The following NINL variants were observed in gnomAD, a reference collection of about 807,000 sequenced individuals.
The protein encoded by NINL is ninein-like protein.
A neutral mutation model predicts 160.3 loss-of-function variants in NINL; 153 were observed. That is an observed-to-expected ratio of 0.95 (90% CI 0.84 to 1.09). The LOEUF (loss-of-function observed/expected upper bound fraction) is 1.09. NINL is among the 50% of genes least tolerant of loss of function. NINL has a pLI of 0.00. For missense variants in NINL, 1,829 were observed against 1,764.0 expected (o/e 1.04, Z -0.66); for synonymous variants, 800 against 734.8 (o/e 1.09, Z -1.43).
At chr20:25,557,844 C>T (rs1194197922) in intron 1 of NINL, among the ~76,000 whole-genome samples, 1 of 151,902 alleles carries the variant, frequency 6.6e-6, no homozygotes, top group Non-Finnish European at 1.5e-5. Flanking sequence ...GATAAATATA[C>T]TGGGCTGGGC....
chr20:25,580,681 T>C (rs535264632), intron 1 of NINL, among the ~76,000 whole-genome samples: 1 of 152,316 alleles, frequency 6.6e-6, no homozygotes, highest in African/African-American at 2.4e-5. Context: ...TCTAAAAGAC[T>C]CCTCTGTCCC....
intron 1 of NINL, among the ~76,000 whole-genome samples, chr20:25,566,284 A>G (rs1332205315): frequency 6.6e-6 from 1 of 152,238 alleles, no homozygotes; most frequent in Admixed American, 6.5e-5. Flanking sequence ...TACAATAAAC[A>G]TTAAACCCAG....
intron 21 of NINL, 25 bp downstream of exon 21, chr20:25,461,497 G>A: frequency 7.1e-7 from 1 of 1,402,132 alleles, no homozygotes; most frequent in Non-Finnish European, 9.7e-7. Flanking sequence ...TGGACCCAGT[G>A]CCTCCAGCCA....
At chr20:25,561,402 G>C (rs1482859752) in intron 1 of NINL, among the ~76,000 whole-genome samples, 2 of 152,142 alleles carry the variant, frequency 1.3e-5, no homozygotes, top group Non-Finnish European at 2.9e-5. Context: ...CCTCCCAGCC[G>C]TCTGCCTTGG....
chr20:25,576,250 T>C (rs554439159), intron 1 of NINL, among the ~76,000 whole-genome samples: 47 of 152,270 alleles, frequency 3.1e-4, no homozygotes, highest in African/African-American at 7.2e-4. Flanking sequence ...GGGCGTTATG[T>C]AGAATGTCCC....
chr20:25,492,512 C>T (rs928971316), intron 10 of NINL, among the ~76,000 whole-genome samples: 27 of 151,832 alleles, frequency 1.8e-4, no homozygotes, highest in East Asian at 9.7e-4. Flanking sequence ...AGTGCAGTGG[C>T]GGGATCTCAG....
intron 1 of NINL, among the ~76,000 whole-genome samples, chr20:25,543,623 G>A (rs1252690025): frequency 2.6e-5 from 4 of 152,204 alleles, no homozygotes; most frequent in African/African-American, 7.2e-5. Flanking sequence ...CGTGGTAGAT[G>A]GGAAATTGGC....
chr20:25,504,262 A>C (rs969093850), intron 6 of NINL, among the ~76,000 whole-genome samples, 158 bp from the exon 7 acceptor site: 1 of 151,276 alleles, frequency 6.6e-6, no homozygotes, highest in Non-Finnish European at 1.5e-5. Flanking sequence ...CATGCGGGCT[A>C]TATTTTCCCA....
chr20:25,547,677 C>T (rs2147081050), intron 1 of NINL, among the ~76,000 whole-genome samples: 1 of 152,270 alleles, frequency 6.6e-6, no homozygotes, highest in South Asian at 2.1e-4. Flanking sequence ...ACCATGTTTT[C>T]CATTTTACTT....
rs117428074 is a variant in NINL, at chr20:25,517,906, A to G, written c.181-57T>C. 166 of 1,105,622 alleles carry G rather than the reference A, an allele frequency of 1.5e-4. 2 individuals are homozygous for G. In the East Asian group the frequency reaches 3.0e-3, roughly 20 times the overall value. 68.5% of individuals were successfully genotyped at this position (1,105,622 alleles called of 1,614,324 possible). A position where few individuals can be genotyped will look rare whatever the true frequency, so the allele number is the denominator to read the frequency against. ...TCACTTTCAACAGATCACACAATTC[A>G]AAAGTGACTCTTTTGGATTTTCTCT... On this transcript the variant is annotated intron_variant, in intron 2 of 23. Transcript: ENST00000278886.
At chr20:25,483,292 C>A (rs2063435822) in intron 13 of NINL, among the ~76,000 whole-genome samples, 1 of 151,892 alleles carries the variant, frequency 6.6e-6, no homozygotes, top group African/African-American at 2.4e-5. Flanking sequence ...CGAGATTGTG[C>A]CACTCCACTC....
intron 6 of NINL, 105 bp from the exon 7 acceptor site, chr20:25,504,209 A>G: frequency 8.0e-7 from 1 of 1,246,736 alleles, no homozygotes; most frequent in Non-Finnish European, 1.1e-6. Context: ...GTACCCAACA[A>G]GGGCCGTTTC....
chr20:25,499,212 C>A, intron 8 of NINL: 1 of 985,334 alleles, frequency 1.0e-6, no homozygotes, highest in Non-Finnish European at 1.2e-6. Context: ...GCTGGGGAGC[C>A]GCCTGGAAAG....
At chr20:25,559,309 C>T (rs982235638) in intron 1 of NINL, among the ~76,000 whole-genome samples, 4 of 151,586 alleles carry the variant, frequency 2.6e-5, no homozygotes, top group Non-Finnish European at 4.4e-5. Context: ...GGCGCGATCT[C>T]GGCTCACTGC....
In NINL at chr20:25,480,230, T is replaced by C. The variant is rs1244302666; in HGVS notation, c.1848A>G (p.Ile616Met). 1.2e-6 allele frequency: 2 copies of C among 1,613,984 alleles called. No individual in the cohort carries two copies. The highest frequency in any genetic ancestry group is 1.3e-5 in the African/African-American group (1 of 74,930). Residue 616 changes from isoleucine (I) to methionine (M), a missense_variant, in exon 15 of 24, where the codon ATA becomes ATG. Ile to Met is a conservative substitution (Grantham distance 10). Transcript: ENST00000278886. ...SFLGNSAPVSIETELMMEQVK... is the reference protein window; with the variant it reads ...SFLGNSAPVSMETELMMEQVK... ...CCTGCTCCATCATCAGCTCCGTTTC[T>C]ATACTCACTGGAGCAGAATTACCCA...
At chr20:25,462,165 T>C (rs964994929) in intron 20 of NINL, among the ~76,000 whole-genome samples, 11 of 152,218 alleles carry the variant, frequency 7.2e-5, no homozygotes, top group African/African-American at 2.7e-4. Flanking sequence ...TTGTACCAAT[T>C]CACTCCTCTG....
intron 1 of NINL, among the ~76,000 whole-genome samples, chr20:25,541,368 T>C (rs2064659186): frequency 6.6e-6 from 1 of 152,264 alleles, no homozygotes; most frequent in South Asian, 2.1e-4. Context: ...AATGTTACCA[T>C]GCCCCATTAT....
chr20:25,474,759 C>G (rs949067250), intron 17 of NINL, among the ~76,000 whole-genome samples: 17 of 151,408 alleles, frequency 1.1e-4, no homozygotes, highest in African/African-American at 3.9e-4. Flanking sequence ...GGACTACAAG[C>G]GCATGCCACC....
chr20:25,461,704 A>T, intron 20 of NINL, 69 bp from the exon 21 acceptor site: 6 of 1,071,850 alleles, frequency 5.6e-6, no homozygotes, highest in Non-Finnish European at 8.4e-6. Context: ...TTCGTGCAAA[A>T]ACCTCAGAAA....
Sources: allele counts gnomAD v4.1 joint callset (sites outside exome capture counted in the v4.1 genomes callset), GRCh38; gene constraint gnomAD v4.1.1; transcripts MANE v1.5; gene names NCBI Gene and HGNC (gene_info 2026-07-23, HGNC 2026-07-21).